The following ABCD2 variants were observed in gnomAD, a reference collection of about 807,000 sequenced individuals.
ABCD2 encodes ATP binding cassette subfamily D member 2.
A neutral mutation model predicts 70.9 loss-of-function variants in ABCD2; 36 were observed. That is an observed-to-expected ratio of 0.51 (90% CI 0.39 to 0.67). The LOEUF is 0.67. Among genes scored for constraint, ABCD2 ranks in the 30% least tolerant of loss-of-function variants. The pLI, the probability that ABCD2 is intolerant of heterozygous loss-of-function variation, is 0.00. For synonymous variants in ABCD2, 304 were observed against 306.9 expected (o/e 0.99, Z 0.10); for missense variants, 729 against 890.2 (o/e 0.82, Z 2.30).
At chr12:39,534,681 AGGAAGGAAGGAAGGAAGGAC>A in the ABCD2 span, among the ~76,000 whole-genome samples, 1 of 75,338 alleles carries the variant, frequency 1.3e-5, no homozygotes, top group African/African-American at 5.3e-5. Context: ...GAGAGAGGGA[AGGAAGGAAGGAAGGAAGGAC>A]GGAAGGAAGG....
At chr12:39,598,285 C>T (rs1941847008) in intron 6 of ABCD2, among the ~76,000 whole-genome samples, 1 of 152,162 alleles carries the variant, frequency 6.6e-6, no homozygotes, top group African/African-American at 2.4e-5. Flanking sequence ...AAAGCTCTGT[C>T]TTATGACTTG....
intron 3 of ABCD2, among the ~76,000 whole-genome samples, chr12:39,606,125 C>A (rs1941966295): frequency 6.6e-6 from 1 of 152,006 alleles, no homozygotes; most frequent in South Asian, 2.1e-4. Flanking sequence ...AAAAGAATTC[C>A]AAAACCACAA....
intron 7 of ABCD2, among the ~76,000 whole-genome samples, chr12:39,582,714 T>C (rs953833196): frequency 2.2e-4 from 33 of 152,190 alleles, no homozygotes; most frequent in Admixed American, 1.7e-3. Context: ...AAAATAAAAG[T>C]ATTTTTCTTG....
rs928358731 is a variant in ABCD2 at position 39,613,153 on chromosome 12, G to C, written c.1120+3835C>G. ...TGTAATCCCAGCACTTTGGGAGGCC[G>C]AGGCGGGCGGATCACGAGGTCAGGA... On this transcript the variant is annotated intron_variant, in intron 2 of 9. Coordinates refer to ENST00000308666, the MANE Select transcript of ABCD2 (RefSeq NM_005164.4). Among the ~76,000 whole-genome samples, 2 of 87,698 alleles carry C rather than the reference G, an allele frequency of 2.3e-5. 1 individual carries two copies. Among genetic ancestry groups the C allele is most frequent in the African/African-American group, 1.7e-4 (2 of 11,612 alleles). 57.5% of individuals were successfully genotyped at this position (87,698 alleles called of 152,430 possible).
chr12:39,569,928 T>G (rs1372809716), intron 9 of ABCD2, among the ~76,000 whole-genome samples: 1 of 151,810 alleles, frequency 6.6e-6, no homozygotes, highest in East Asian at 1.9e-4. Context: ...TCAGTAGCAT[T>G]TCTCTACACT....
chr12:39,608,420 C>T (rs1383963581), intron 2 of ABCD2, among the ~76,000 whole-genome samples: 2 of 152,252 alleles, frequency 1.3e-5, no homozygotes, highest in South Asian at 4.1e-4. Context: ...GGTGCGGTGG[C>T]TCATGCCTGT....
chr12:39,613,158 G>A (rs1418110478), intron 2 of ABCD2, among the ~76,000 whole-genome samples: 3 of 135,974 alleles, frequency 2.2e-5, no homozygotes, highest in Non-Finnish European at 3.1e-5. Context: ...AGGCCGAGGC[G>A]GGCGGATCAC....
intron 8 of ABCD2, among the ~76,000 whole-genome samples, chr12:39,577,943 A>C (rs1176218429): frequency 6.6e-6 from 1 of 152,172 alleles, no homozygotes; most frequent in Non-Finnish European, 1.5e-5. Context: ...CCGTAATTAA[A>C]GGCTTTTAAA....
intron 3 of ABCD2, among the ~76,000 whole-genome samples, chr12:39,605,165 T>G (rs1024021075): frequency 6.6e-6 from 1 of 152,092 alleles, no homozygotes; most frequent in African/African-American, 2.4e-5. Flanking sequence ...AGAATATTAA[T>G]GACACTTAAG....
intron 5 of ABCD2, among the ~76,000 whole-genome samples, chr12:39,603,335 CAG>C (rs1941926072): frequency 6.6e-6 from 1 of 151,980 alleles, no homozygotes; most frequent in South Asian, 2.1e-4. Context: ...TGCCTTAAGT[CAG>C]AGAGTCAGGT....
At chr12:39,560,134 A>G (rs1246172698) in intron 9 of ABCD2, among the ~76,000 whole-genome samples, 3 of 152,126 alleles carry the variant, frequency 2.0e-5, no homozygotes, top group South Asian at 2.1e-4. Context: ...TACATTAGGT[A>G]TATCTCCTAA....
chr12:39,549,918 T>C (rs1294612293), downstream of ABCD2: 1 of 151,812 alleles, frequency 6.6e-6, no homozygotes, highest in Non-Finnish European at 1.5e-5. Context: ...TTTGGTGAAG[T>C]CTGTAAATGC....
At chr12:39,589,529 A>G (rs1156909160) in intron 6 of ABCD2, among the ~76,000 whole-genome samples, 1 of 151,864 alleles carries the variant, frequency 6.6e-6, no homozygotes, top group Non-Finnish European at 1.5e-5. Context: ...CTGGGACTAC[A>G]GGCGTCTGTC....
chr12:39,534,760 G>GAGAAAGAGAA, the ABCD2 span, among the ~76,000 whole-genome samples: 2,658 of 113,136 alleles, frequency 0.023, 43 homozygotes, highest in East Asian at 0.056. Context: ...AAGAAAGAAA[G>GAGAAAGAGAA]AGAAAGAAAG....
intron 3 of ABCD2, 99 bp from the exon 4 acceptor site, chr12:39,605,029 A>G (rs187030174): frequency 1.7e-4 from 151 of 910,004 alleles, no homozygotes; most frequent in Non-Finnish European, 2.1e-4. Flanking sequence ...AATGTAAAAG[A>G]TTATATTGCA....
At chr12:39,572,215 T>A (rs1425810999) in intron 9 of ABCD2, among the ~76,000 whole-genome samples, 1 of 152,184 alleles carries the variant, frequency 6.6e-6, no homozygotes, top group Non-Finnish European at 1.5e-5. Flanking sequence ...CAGGATAGCA[T>A]AATAAATCCA....
intron 9 of ABCD2, among the ~76,000 whole-genome samples, chr12:39,572,764 C>T (rs1941465106): frequency 6.6e-6 from 1 of 152,160 alleles, no homozygotes; most frequent in South Asian, 2.1e-4. Context: ...GATCAGCCAC[C>T]TGCCACAGAA....
intron 2 of ABCD2, among the ~76,000 whole-genome samples, chr12:39,609,633 A>G (rs79485157): frequency 0.047 from 7,186 of 152,300 alleles, 217 homozygotes; most frequent in East Asian, 0.13. Flanking sequence ...TAGATATTAT[A>G]AGCTAAGGAG....
the ABCD2 span, among the ~76,000 whole-genome samples, chr12:39,531,800 T>C: frequency 6.6e-6 from 1 of 152,262 alleles, no homozygotes; most frequent in Non-Finnish European, 1.5e-5. Context: ...ATATTTTAAA[T>C]GCAAGTAGTA....
Sources: allele counts gnomAD v4.1 joint callset (sites outside exome capture counted in the v4.1 genomes callset), GRCh38; gene constraint gnomAD v4.1.1; transcripts MANE v1.5; gene names NCBI Gene and HGNC (gene_info 2026-07-23, HGNC 2026-07-21).